Variants in RNF130 observed in about 807,000 individuals in gnomAD.
The protein encoded by RNF130 is ring finger protein 130, also known as E3 ubiquitin-protein ligase RNF130.
RNF130 carries 21 observed loss-of-function variants against 44.6 expected under a neutral mutation model. That is an observed-to-expected ratio of 0.47 (90% CI 0.33 to 0.68). The LOEUF (loss-of-function observed/expected upper bound fraction) is 0.68. Ranked by LOEUF, RNF130 falls within the 30% of genes least tolerant of loss-of-function variation. The pLI is 0.02. For missense variants in RNF130, 479 were observed against 560.6 expected (o/e 0.85, Z 1.47); for synonymous variants, 214 against 210.4 (o/e 1.02, Z -0.15).
intron 2 of RNF130, among the ~76,000 whole-genome samples, chr5:180,024,217 G>A (rs1763937558): frequency 6.6e-6 from 1 of 152,192 alleles, no homozygotes. Context: ...TAAATGTAAT[G>A]TGGTGTCCTG....
At chr5:179,923,676 A>G (rs1052527374) in intron 7 of RNF130, among the ~76,000 whole-genome samples, 25 of 151,980 alleles carry the variant, frequency 1.6e-4, no homozygotes, top group African/African-American at 6.0e-4. Flanking sequence ...CCTTTCCTGT[A>G]CCTCACTTCC....
At chr5:179,995,792 A>G (rs1335187675) in intron 3 of RNF130, among the ~76,000 whole-genome samples, 1 of 152,228 alleles carries the variant, frequency 6.6e-6, no homozygotes, top group African/African-American at 2.4e-5. Flanking sequence ...AGACTCTGCC[A>G]GGAGGGCTGT....
intron 7 of RNF130, among the ~76,000 whole-genome samples, chr5:179,931,439 T>C (rs1398058887): frequency 6.6e-6 from 1 of 152,186 alleles, no homozygotes; most frequent in Non-Finnish European, 1.5e-5. Context: ...TTTTCTTTTT[T>C]GTTGGCAGTA....
chr5:180,044,811 G>T (rs1362785087), intron 1 of RNF130, among the ~76,000 whole-genome samples: 1 of 151,620 alleles, frequency 6.6e-6, no homozygotes, highest in Non-Finnish European at 1.5e-5. Context: ...CAGCCTGGGC[G>T]ACGGAAGTAG....
chr5:180,045,689 T>G (rs1041728228), intron 1 of RNF130, among the ~76,000 whole-genome samples: 3 of 152,154 alleles, frequency 2.0e-5, no homozygotes, highest in Non-Finnish European at 4.4e-5. Flanking sequence ...AGAGTGCTGA[T>G]TGGTGCATTT....
At chr5:180,013,449 A>G in intron 2 of RNF130, 138 bp from the exon 3 acceptor site, 1 of 733,528 alleles carries the variant, frequency 1.4e-6, no homozygotes. Flanking sequence ...CTCAACTGAA[A>G]TGTAGATGCA....
exon 8 of RNF130, chr5:179,912,320 A>G (rs922067253): frequency 2.6e-5 from 4 of 152,264 alleles, no homozygotes; most frequent in African/African-American, 9.6e-5. Flanking sequence ...GGATGCTTCC[A>G]TCAGGTGAGA....
chr5:179,919,740 C>T (rs1372939581), exon 8 of RNF130: 1 of 152,500 alleles, frequency 6.6e-6, no homozygotes, highest in Non-Finnish European at 1.5e-5. Context: ...CTCCCACGGC[C>T]CTGCCCTGGC....
chr5:180,017,509 T>C (rs1763769096), intron 2 of RNF130, among the ~76,000 whole-genome samples: 1 of 152,244 alleles, frequency 6.6e-6, no homozygotes, highest in Non-Finnish European at 1.5e-5. Context: ...CTGAATCTGT[T>C]ACGACAATGG....
intron 1 of RNF130, among the ~76,000 whole-genome samples, chr5:180,048,354 C>T (rs1195407093): frequency 1.3e-5 from 2 of 152,158 alleles, no homozygotes; most frequent in African/African-American, 4.8e-5. Context: ...TGCCCTGCTT[C>T]TAGGCTAGAG....
intron 2 of RNF130, among the ~76,000 whole-genome samples, chr5:180,026,278 T>C (rs1189126828): frequency 6.6e-6 from 1 of 152,226 alleles, no homozygotes; most frequent in African/African-American, 2.4e-5. Context: ...GACATACAGA[T>C]AAAACTACAG....
At chr5:179,947,788 C>T (rs566717167) in intron 7 of RNF130, among the ~76,000 whole-genome samples, 2 of 152,252 alleles carry the variant, frequency 1.3e-5, no homozygotes, top group South Asian at 4.1e-4. Context: ...AGTAGGTATA[C>T]ATTGATATAG....
At chr5:180,011,183 G>A (rs1214084236) in intron 3 of RNF130, among the ~76,000 whole-genome samples, 1 of 152,062 alleles carries the variant, frequency 6.6e-6, no homozygotes, top group Admixed American at 6.6e-5. Context: ...TTTCAGAAAC[G>A]TCCATGTCAT....
chr5:179,924,466 G>A (rs1761678065), intron 7 of RNF130, among the ~76,000 whole-genome samples: 1 of 148,070 alleles, frequency 6.8e-6, no homozygotes, highest in African/African-American at 2.5e-5. Flanking sequence ...TTGCACTCCA[G>A]CCTGCGCAAC....
chr5:179,941,145 T>A (rs1459771479), intron 7 of RNF130, among the ~76,000 whole-genome samples: 1 of 152,224 alleles, frequency 6.6e-6, no homozygotes. Flanking sequence ...GTGGATCTAT[T>A]TCTGTTCTTT....
rs577676135 is a variant in RNF130 at position 179,996,291 on chromosome 5, C to A, written c.694-16091G>T. On this transcript the variant is annotated intron_variant, in intron 3 of 8. Transcript: ENST00000521389. ...TGGTGTATATACACAGAACTGATTT[C>A]TGTATGTTAATTTTGTATTCTGCAA... Among the ~76,000 whole-genome samples, 49 of 152,238 alleles carry A rather than the reference C, an allele frequency of 3.2e-4. 1 individual carries two copies. Among genetic ancestry groups the A allele is most frequent in the African/African-American group, 1.2e-3 (49 of 41,544 alleles).
At chr5:179,939,652 G>A in intron 7 of RNF130, 2 of 465,968 alleles carry the variant, frequency 4.3e-6, no homozygotes. Context: ...AGAATGAAGT[G>A]AGGCCCTGTG....
intron 7 of RNF130, among the ~76,000 whole-genome samples, chr5:179,925,905 A>C (rs1582123066): frequency 6.6e-6 from 1 of 152,204 alleles, no homozygotes; most frequent in Admixed American, 6.5e-5. Flanking sequence ...AACGTGCCTC[A>C]AAGGAGGCTG....
chr5:179,970,544 C>A (rs966292765), intron 5 of RNF130, 38 bp from the exon 6 acceptor site: 20 of 1,496,190 alleles, frequency 1.3e-5, no homozygotes, highest in African/African-American at 2.8e-5. Context: ...AAGTTACATA[C>A]CAAGAAACTT....
Sources: allele counts gnomAD v4.1 joint callset (sites outside exome capture counted in the v4.1 genomes callset), GRCh38; gene constraint gnomAD v4.1.1; transcripts MANE v1.5; gene names NCBI Gene and HGNC (gene_info 2026-07-23, HGNC 2026-07-21).